The following PPM1D variants were observed in gnomAD, a reference collection of about 807,000 sequenced individuals.
PPM1D encodes protein phosphatase 1D.
Under a neutral mutation model 58.3 loss-of-function variants are expected in PPM1D, and 52 were observed. That is an observed-to-expected ratio of 0.89 (90% CI 0.71 to 1.12). PPM1D has a LOEUF of 1.12. Ranked by LOEUF, PPM1D falls within the 50% of genes most tolerant of loss-of-function variation. The probability of loss-of-function intolerance (pLI) is 0.00; values close to 1 mark genes in which losing one functional copy is unlikely to be tolerated. For missense variants in PPM1D, 564 were observed against 777.2 expected (o/e 0.73, Z 3.26); for synonymous variants, 278 against 285.1 (o/e 0.98, Z 0.25).
At chr17:60,627,155 A>G (rs2030827020) in intron 2 of PPM1D, among the ~76,000 whole-genome samples, 1 of 152,170 alleles carries the variant, frequency 6.6e-6, no homozygotes, top group Non-Finnish European at 1.5e-5. Context: ...TTCTGTTACA[A>G]CTTTTTGGGT....
At chr17:60,636,951 G>A (rs1248308835) in intron 3 of PPM1D, among the ~76,000 whole-genome samples, 1 of 149,370 alleles carries the variant, frequency 6.7e-6, no homozygotes, top group African/African-American at 2.4e-5. Flanking sequence ...GTGCGACAGC[G>A]CTCAGCCTAC....
chr17:60,622,116 G>A (rs2030719231), intron 1 of PPM1D, among the ~76,000 whole-genome samples: 1 of 151,342 alleles, frequency 6.6e-6, no homozygotes, highest in East Asian at 2.0e-4. Flanking sequence ...CGTGAACCTG[G>A]GAGGCGGAGC....
chr17:60,619,877 T>C (rs1235632633), intron 1 of PPM1D, among the ~76,000 whole-genome samples: 3 of 152,232 alleles, frequency 2.0e-5, no homozygotes, highest in Non-Finnish European at 1.5e-5. Context: ...TGAATTTCCG[T>C]CATGATGCTT....
intron 1 of PPM1D, among the ~76,000 whole-genome samples, chr17:60,609,493 A>G (rs1373143706): frequency 6.6e-6 from 1 of 152,204 alleles, no homozygotes; most frequent in Non-Finnish European, 1.5e-5. Flanking sequence ...AACTTTGTTC[A>G]ATGTTGAAAT....
intron 1 of PPM1D, among the ~76,000 whole-genome samples, chr17:60,607,332 G>T (rs1461393104): frequency 6.6e-6 from 1 of 152,048 alleles, no homozygotes; most frequent in Non-Finnish European, 1.5e-5. Context: ...GCCCAGGCTG[G>T]AGTGCAATGG....
intron 4 of PPM1D, among the ~76,000 whole-genome samples, chr17:60,654,451 C>A (rs1221432890): frequency 7.1e-6 from 1 of 141,322 alleles, no homozygotes; most frequent in African/African-American, 2.6e-5. Context: ...CTGCAGTAAG[C>A]CGAGGTCACA....
intron 1 of PPM1D, among the ~76,000 whole-genome samples, chr17:60,622,468 G>A (rs2030726543): frequency 6.6e-6 from 1 of 152,144 alleles, no homozygotes; most frequent in Admixed American, 6.6e-5. Flanking sequence ...ATAAGTTGCA[G>A]TTTGTTTAGT....
intron 1 of PPM1D, among the ~76,000 whole-genome samples, chr17:60,605,904 C>CATAA (rs1033808118): frequency 1.3e-5 from 2 of 152,128 alleles, no homozygotes; most frequent in Non-Finnish European, 2.9e-5. Flanking sequence ...GACTCTGTCT[C>CATAA]ATAAATAAAT....
intron 3 of PPM1D, among the ~76,000 whole-genome samples, chr17:60,646,019 A>G (rs1015723205): frequency 6.6e-6 from 1 of 152,100 alleles, no homozygotes; most frequent in African/African-American, 2.4e-5. Context: ...ATACACCTAT[A>G]GTCCCATCTA....
At chr17:60,644,887 A>G (rs1051785638) in intron 3 of PPM1D, among the ~76,000 whole-genome samples, 2 of 152,380 alleles carry the variant, frequency 1.3e-5, no homozygotes, top group Middle Eastern at 3.4e-3. Context: ...ATACTTAGGT[A>G]TAATTGTAAC....
intron 2 of PPM1D, among the ~76,000 whole-genome samples, chr17:60,632,532 A>G (rs1302438227): frequency 6.6e-6 from 1 of 152,042 alleles, no homozygotes; most frequent in Non-Finnish European, 1.5e-5. Context: ...GCACCACTGC[A>G]CTCCAGCCTG....
At chr17:60,645,456 A>ATG (rs371276467) in intron 3 of PPM1D, among the ~76,000 whole-genome samples, 65,516 of 123,532 alleles carry the variant, frequency 0.53, 19,019 homozygotes, top group Non-Finnish European at 0.65. Context: ...TAAAATATAT[A>ATG]TGTGTGTGTG....
chr17:60,638,669 G>A (rs974803590), intron 3 of PPM1D, among the ~76,000 whole-genome samples: 6 of 151,912 alleles, frequency 3.9e-5, no homozygotes, highest in Non-Finnish European at 7.4e-5. Flanking sequence ...GCGACCGACC[G>A]GCCTGGAAAT....
At chr17:60,635,918 C>T (rs769289070) in intron 3 of PPM1D, among the ~76,000 whole-genome samples, 2 of 152,118 alleles carry the variant, frequency 1.3e-5, no homozygotes, top group Non-Finnish European at 2.9e-5. Flanking sequence ...CTCAGGAACC[C>T]GGGGTGACTT....
At chr17:60,616,859 G>T (rs2030595339) in intron 1 of PPM1D, among the ~76,000 whole-genome samples, 1 of 152,118 alleles carries the variant, frequency 6.6e-6, no homozygotes, top group South Asian at 2.1e-4. Context: ...TTTATTTTTA[G>T]CTCGTTTTTT....
chr17:60,618,234 C>T (rs2030625480), intron 1 of PPM1D, among the ~76,000 whole-genome samples: 1 of 152,172 alleles, frequency 6.6e-6, no homozygotes, highest in Admixed American at 6.5e-5. Context: ...TCACAGCCTC[C>T]TGAGCAGCTG....
intron 1 of PPM1D, among the ~76,000 whole-genome samples, chr17:60,604,434 A>G (rs958785166): frequency 3.3e-5 from 5 of 152,224 alleles, no homozygotes; most frequent in Middle Eastern, 3.2e-3. Flanking sequence ...AGTAAAGATG[A>G]TGGTCCATGA....
At chr17:60,656,546 T>C in intron 4 of PPM1D, 53 bp from the exon 5 acceptor site, 3 of 1,592,026 alleles carry the variant, frequency 1.9e-6, no homozygotes, top group Non-Finnish European at 2.6e-6. Context: ...GATACAGATG[T>C]AGTGGCAGCT....
At chr17:60,611,046 T>C (rs543186967) in intron 1 of PPM1D, among the ~76,000 whole-genome samples, 158 of 152,358 alleles carry the variant, frequency 1.0e-3, no homozygotes, top group Middle Eastern at 3.4e-3. Context: ...GGAGTCTCGC[T>C]CTGTTGCCCT....
Sources: allele counts gnomAD v4.1 joint callset (sites outside exome capture counted in the v4.1 genomes callset), GRCh38; gene constraint gnomAD v4.1.1; transcripts MANE v1.5; gene names NCBI Gene and HGNC (gene_info 2026-07-23, HGNC 2026-07-21).